Variants in DNAJC4 observed in about 807,000 individuals in gnomAD.
The protein encoded by DNAJC4 is DnaJ heat shock protein family (Hsp40) member C4, also known as dnaJ homolog subfamily C member 4.
In DNAJC4, 26 loss-of-function variants were observed where a neutral mutation model predicts 26.8. The observed-to-expected ratio is 0.97, with a 90% CI of 0.71 to 1.34. The LOEUF (loss-of-function observed/expected upper bound fraction) is 1.34, where lower values mean the gene tolerates loss of function less well. Ranked by LOEUF, DNAJC4 falls within the 40% of genes most tolerant of loss-of-function variation. The pLI, the probability that DNAJC4 is intolerant of heterozygous loss-of-function variation, is 0.00. For missense variants in DNAJC4, 342 were observed against 321.1 expected, an observed-to-expected ratio of 1.07 and a Z score of -0.50; for synonymous variants, 134 against 127.8, an observed-to-expected ratio of 1.05 and a Z score of -0.33.
In DNAJC4 at chr11:64,230,604, G is replaced by A. The variant is rs1169134374; in HGVS notation, c.-251G>A. ...TGGGAACGGGGTCTTGGGGTCCCTG[G>A]CTGGGTGGCCAGACCCCGAAGCCAG... is the stretch of plus-strand genomic sequence containing the variant. On this transcript the variant is annotated 5_prime_UTR_variant, in exon 1 of 6. Transcript: ENST00000628077. 2 of 617,174 alleles carry A rather than the reference G, an allele frequency of 3.2e-6. No individual in the cohort carries two copies. The highest frequency in any genetic ancestry group is 5.8e-6 in the Non-Finnish European group (2 of 346,296). The allele number at this position is 617,174 out of a possible 1,614,324, so 38.2% of individuals were successfully genotyped here. A position where few individuals can be genotyped will look rare whatever the true frequency, so the allele number is the denominator to read the frequency against.
At chr11:64,231,342 C>CTTTT (rs35004947) in intron 1 of DNAJC4, 50 of 148,188 alleles carry the variant, frequency 3.4e-4, no homozygotes, top group South Asian at 9.9e-4. Flanking sequence ...TCTCTTTTTC[C>CTTTT]TTTTTTTTTT....
intron 1 of DNAJC4, 31 bp from the exon 2 acceptor site, chr11:64,231,840 G>C: frequency 6.2e-7 from 1 of 1,610,172 alleles, no homozygotes; most frequent in Non-Finnish European, 8.5e-7. Context: ...GGTTCCTTCA[G>C]CCCCTGCAAG....
intron 1 of DNAJC4, 174 bp downstream of exon 1, chr11:64,231,114 G>C: frequency 2.3e-6 from 2 of 852,244 alleles, no homozygotes; most frequent in Non-Finnish European, 3.8e-6. Flanking sequence ...GTCATACACC[G>C]ATTTAAGCGG....
In DNAJC4 at chr11:64,232,508, A is replaced by G; in HGVS notation, c.259A>G (p.Ser87Gly). 1 of 1,613,060 alleles carries G rather than the reference A, an allele frequency of 6.2e-7. No homozygotes were observed. Among genetic ancestry groups the G allele is most frequent in the Non-Finnish European group, 8.5e-7 (1 of 1,179,296 alleles). The change falls in exon 3 of 6, where the codon AGC becomes GGC. Residue 87 changes from serine (S) to glycine (G), a missense_variant. Transcript: ENST00000628077. ...VELSEAYRVL[S>G]REQSRRSYDD... ...GCTGAGCGAGGCATACCGTGTGCTC[A>G]GCCGTGAGCAGAGCCGCCGCAGCTA...
chr11:64,233,685 A>C (rs1947207107), intron 4 of DNAJC4: 1 of 632,542 alleles, frequency 1.6e-6, no homozygotes, highest in Non-Finnish European at 2.7e-6. Flanking sequence ...TCACACCTCA[A>C]AGTGACCAGG....
chr11:64,233,568 C>T (rs1947205483), intron 4 of DNAJC4: 1 of 351,170 alleles, frequency 2.8e-6, no homozygotes, highest in African/African-American at 2.0e-5. Flanking sequence ...TAGCAGATAC[C>T]TAAAGGCCAG....
At chr11:64,232,900 G>A (rs1947195736) in intron 4 of DNAJC4, 35 bp downstream of exon 4, 1 of 1,526,534 alleles carries the variant, frequency 6.6e-7, no homozygotes, top group African/African-American at 1.4e-5. Context: ...ATGGGCAGAG[G>A]GCAGGAGGGT....
At chr11:64,230,434 G>A (rs1179993487), upstream of DNAJC4, 3 of 513,812 alleles carry the variant, frequency 5.8e-6, no homozygotes, top group African/African-American at 5.7e-5. Flanking sequence ...CCTGACAGGT[G>A]GACGTGGTCT....
chr11:64,230,986 G>A, intron 1 of DNAJC4, 46 bp downstream of exon 1: 1 of 1,534,880 alleles, frequency 6.5e-7, no homozygotes, highest in Non-Finnish European at 8.7e-7. Context: ...ATGGGTTTCT[G>A]TTTGCCCTAC....
At position 64,234,161 on chromosome 11, in the gene DNAJC4, G is replaced by C. The variant is rs61734554; in HGVS notation, c.703G>C (p.Val235Leu). The C allele has an allele frequency of 6.3e-7, 1 of 1,578,618 alleles. No individual in the cohort carries two copies. ...CGAGCCAACCCAAGGCCCCGAGATC[G>C]TGCCCCGGGGCGCCGGCCCCTGAGG... is the stretch of plus-strand genomic sequence containing the variant. ...PSEPTQGPEI[V>L]PRGAGP Residue 235 changes from valine (V) to leucine (L), a missense_variant, in exon 6 of 6, where the codon GTG (valine) becomes CTG (leucine). Transcript: ENST00000628077. This position sits in a 1 kb window ranked among gnomAD's most constrained non-coding sequence, Gnocchi z 5.3.
At chr11:64,231,791 A>T in intron 1 of DNAJC4, 80 bp from the exon 2 acceptor site, 1 of 1,368,000 alleles carries the variant, frequency 7.3e-7, no homozygotes, top group Non-Finnish European at 1.0e-6. Context: ...GGCTGAGTTG[A>T]AGGGTGTGGC....
chr11:64,233,082 ATG>A, intron 4 of DNAJC4: 1 of 460,490 alleles, frequency 2.2e-6, no homozygotes, highest in Non-Finnish European at 3.6e-6. Context: ...CATATTTCGA[ATG>A]TAAATCTTTC....
chr11:64,231,835 C>T (rs918273140), intron 1 of DNAJC4, 36 bp from the exon 2 acceptor site: 5 of 1,608,066 alleles, frequency 3.1e-6, no homozygotes, highest in Non-Finnish European at 4.3e-6. Flanking sequence ...TTCTGGGTTC[C>T]TTCAGCCCCT....
In DNAJC4 at chr11:64,232,511, C is replaced by G; in HGVS notation, c.262C>G (p.Arg88Gly). The change falls in exon 3 of 6, where the codon CGT (arginine) becomes GGT (glycine). Residue 88 changes from arginine to glycine, a missense_variant. Arg to Gly is a moderately radical substitution (Grantham distance 125). Transcript: ENST00000628077. Reference protein sequence around the residue: ...ELSEAYRVLSREQSRRSYDDQ... With the variant: ...ELSEAYRVLSGEQSRRSYDDQ... ...GAGCGAGGCATACCGTGTGCTCAGCCGTGAGCAGAGCCGCCGCAGCTATGA... is the reference window on the plus strand; with the variant it reads ...GAGCGAGGCATACCGTGTGCTCAGCGGTGAGCAGAGCCGCCGCAGCTATGA... The G allele has an allele frequency of 1.2e-6, 2 of 1,613,208 alleles. No individual in the cohort carries two copies. The highest frequency in any genetic ancestry group is 8.5e-7 in the Non-Finnish European group (1 of 1,179,430).
chr11:64,232,905 G>A, intron 4 of DNAJC4, 40 bp downstream of exon 4: 2 of 1,519,572 alleles, frequency 1.3e-6, no homozygotes, highest in Non-Finnish European at 8.9e-7. Flanking sequence ...CAGAGGGCAG[G>A]AGGGTGGGTG....
rs2135006074 is a variant in DNAJC4, at chr11:64,232,438, A to G, written c.189A>G (p.Pro63=). The G allele has an allele frequency of 1.3e-6, 2 of 1,585,754 alleles. No homozygotes were observed. The highest frequency in any genetic ancestry group is 1.7e-6 in the Non-Finnish European group (2 of 1,162,266). ...GTCCTGCCCCACCCCAGCTGCACCC[A>G]GACCGGGACCCTGGGAACCCAAGCC... is the stretch of plus-strand genomic sequence containing the variant. ...AFFSKSKELH[P]DRDPGNPSLH... is the part of the protein sequence containing the mutation. The change falls in exon 3 of 6, where the codon CCA becomes CCG. Residue 63 remains proline (P), a synonymous_variant. Transcript: ENST00000628077.
chr11:64,230,508 C>T, upstream of DNAJC4: 1 of 579,898 alleles, frequency 1.7e-6, no homozygotes, highest in Non-Finnish European at 3.2e-6. Context: ...TGGCGACGGC[C>T]GCGGGTCTGT....
At chr11:64,230,485 T>G (rs752385613), upstream of DNAJC4, 2 of 546,544 alleles carry the variant, frequency 3.7e-6, no homozygotes, top group South Asian at 3.1e-5. Context: ...GGGGCCTGAA[T>G]AGACGCAGGA....
chr11:64,230,934 G>C lies in DNAJC4; in HGVS notation c.80G>C (p.Gly27Ala). 1 of 1,555,426 alleles carries C rather than the reference G, an allele frequency of 6.4e-7. No homozygotes were observed. The highest frequency in any genetic ancestry group is 1.2e-5 in the South Asian group (1 of 85,656). Reference protein sequence around the residue: ...PPSRLLGAAAGQRSRPSTYYE... With the variant: ...PPSRLLGAAAAQRSRPSTYYE... Reference sequence around the variant, plus strand: ...TCCCGGCTCCTCGGAGCGGCCGCCGGGCAGCGGTGAGTTGGGCGCGGGGGG... The same window carrying C: ...TCCCGGCTCCTCGGAGCGGCCGCCGCGCAGCGGTGAGTTGGGCGCGGGGGG... Residue 27 changes from glycine to alanine, a missense_variant, in exon 1 of 6, where the codon GGG becomes GCG. Physicochemically the swap from Gly to Ala is moderately conservative, Grantham distance 60. Transcript: ENST00000628077.
Sources: gnomAD v4.1 joint callset for allele counts on GRCh38, gnomAD v4.1.1 for gene constraint, Gnocchi (gnomAD v3.1) non-coding constraint, MANE v1.5 for transcripts, NCBI Gene and HGNC (gene_info 2026-07-23, HGNC 2026-07-21) for gene names.